The following NCKAP5 variants were observed in gnomAD, a reference collection of about 807,000 sequenced individuals.
NCKAP5 encodes NCK associated protein 5, also known as nck-associated protein 5.
In NCKAP5, 92 loss-of-function variants were observed where a neutral mutation model predicts 167.0. That is an observed-to-expected ratio of 0.55 (90% CI 0.47 to 0.66). The LOEUF is 0.66. NCKAP5 is among the 30% of genes least tolerant of loss of function. The pLI is 0.00. For synonymous variants in NCKAP5, 891 were observed against 877.4 expected (o/e 1.02, Z -0.27); for missense variants, 2,378 against 2,315.0 (o/e 1.03, Z -0.56).
intron 8 of NCKAP5, among the ~76,000 whole-genome samples, chr2:132,885,717 T>C (rs1278046017): frequency 2.6e-5 from 4 of 152,244 alleles, no homozygotes; most frequent in Admixed American, 2.6e-4. Flanking sequence ...ATAGATAGGC[T>C]GGCTGGAACT....
In NCKAP5 at chr2:133,510,174, A is replaced by AG. The variant is rs200690447; in HGVS notation, c.69+7283dup. 6.4e-3 allele frequency among the ~76,000 whole-genome samples: 977 copies of AG among 152,254 alleles called. 31 individuals carry two copies. Among genetic ancestry groups the AG allele is most frequent in the Admixed American group, 0.056 (858 of 15,288 alleles). The stretch of plus-strand genomic sequence containing the variant: ...CCTCCATCAGTCAGTGGCCCAGCAG[A>AG]GGGAATGTGCAGCCATTTGATAGGA... On this transcript the variant is annotated intron_variant, in intron 3 of 19. Transcript: ENST00000409261.
chr2:132,919,654 C>T (rs1381734287), intron 8 of NCKAP5, among the ~76,000 whole-genome samples: 1 of 150,850 alleles, frequency 6.6e-6, no homozygotes, highest in Non-Finnish European at 1.5e-5. Flanking sequence ...ACAAGAAGAA[C>T]AGAAGAGACA....
chr2:132,833,526 G>A (rs1206287440), intron 11 of NCKAP5, among the ~76,000 whole-genome samples: 7 of 152,138 alleles, frequency 4.6e-5, no homozygotes, highest in African/African-American at 1.2e-4. Context: ...TCCATCCTGA[G>A]TTGATTTTTG....
chr2:132,820,637 C>CAT (rs1158218545), intron 11 of NCKAP5, among the ~76,000 whole-genome samples: 3 of 152,184 alleles, frequency 2.0e-5, no homozygotes, highest in Non-Finnish European at 4.4e-5. Flanking sequence ...TTCCTCTCTG[C>CAT]ATAGCCCTTT....
At chr2:132,818,467 G>A (rs141143579) in intron 11 of NCKAP5, among the ~76,000 whole-genome samples, 2 of 152,306 alleles carry the variant, frequency 1.3e-5, no homozygotes, top group African/African-American at 4.8e-5. Context: ...ACTGAGGTCA[G>A]GGGTTTGAGA....
intron 6 of NCKAP5, among the ~76,000 whole-genome samples, chr2:133,087,004 G>C (rs1293688962): frequency 2.0e-5 from 3 of 152,150 alleles, no homozygotes; most frequent in East Asian, 3.8e-4. Context: ...ATGAGGGAGT[G>C]TGAGAAGCAG....
intron 3 of NCKAP5, among the ~76,000 whole-genome samples, chr2:133,336,462 C>T (rs1459888764): frequency 2.0e-5 from 3 of 152,062 alleles, no homozygotes; most frequent in East Asian, 3.9e-4. Flanking sequence ...GATGATTTTG[C>T]CCTTTGGCAC....
chr2:133,323,169 A>G (rs2150683372), intron 3 of NCKAP5, among the ~76,000 whole-genome samples: 1 of 152,322 alleles, frequency 6.6e-6, no homozygotes, highest in African/African-American at 2.4e-5. Context: ...GAAAAATCTC[A>G]ATTATTTAAT....
At chr2:132,781,903 C>A in intron 14 of NCKAP5, 37 bp downstream of exon 14, 1 of 1,558,244 alleles carries the variant, frequency 6.4e-7, no homozygotes, top group South Asian at 1.2e-5. Flanking sequence ...GGTGGAGGGA[C>A]CCCTCTACAT....
At chr2:133,628,211 T>C in the NCKAP5 span, among the ~76,000 whole-genome samples, 8 of 152,278 alleles carry the variant, frequency 5.3e-5, no homozygotes, top group African/African-American at 1.9e-4. Context: ...CTGTCTCTGT[T>C]TGTAGATGAC....
At chr2:132,735,047 G>A (rs796562496) in intron 16 of NCKAP5, among the ~76,000 whole-genome samples, 4 of 152,368 alleles carry the variant, frequency 2.6e-5, no homozygotes, top group African/African-American at 9.6e-5. Flanking sequence ...AACATGCCTG[G>A]CATCTAGCTG....
intron 3 of NCKAP5, among the ~76,000 whole-genome samples, chr2:133,336,227 T>C (rs568310830): frequency 6.6e-6 from 1 of 152,302 alleles, no homozygotes; most frequent in South Asian, 2.1e-4. Context: ...ATGTTTTTTC[T>C]GTTCCTTATG....
At chr2:132,863,967 TC>T (rs1690139941) in intron 10 of NCKAP5, among the ~76,000 whole-genome samples, 3 of 152,196 alleles carry the variant, frequency 2.0e-5, no homozygotes, top group Non-Finnish European at 4.4e-5. Context: ...CTTAGCTTCC[TC>T]TATGCTCCCA....
chr2:133,632,347 G>A, the NCKAP5 span, among the ~76,000 whole-genome samples: 1 of 152,100 alleles, frequency 6.6e-6, no homozygotes, highest in African/African-American at 2.4e-5. Context: ...TTTGCCTTCG[G>A]CAAATTAGAA....
At chr2:132,742,299 G>T (rs1262166870) in intron 16 of NCKAP5, among the ~76,000 whole-genome samples, 2 of 151,928 alleles carry the variant, frequency 1.3e-5, no homozygotes, top group Non-Finnish European at 2.9e-5. Flanking sequence ...CATCTGCCTT[G>T]ATAAGACACA....
Position 132,785,380 on chromosome 2 carries a change from A to G in NCKAP5, c.1431T>C (p.Asp477=). ...CTAAGGTGGAAGGGTCATCGTCCGC[A>G]TCAACGTGGGAATCTAGATCATAAA... The part of the protein sequence containing the change: ...TFVYDLDSHV[D]ADDDPSTLAL... The change falls in exon 14 of 20, where the codon GAT becomes GAC. Residue 477 remains aspartate, a synonymous_variant. Coordinates refer to ENST00000409261, the MANE Select transcript of NCKAP5 (RefSeq NM_207363.3). 3 of 1,614,008 alleles carry G rather than the reference A, an allele frequency of 1.9e-6. No individual in the cohort carries two copies. The highest frequency in any genetic ancestry group is 1.7e-6 in the Non-Finnish European group (2 of 1,179,896).
intron 15 of NCKAP5, among the ~76,000 whole-genome samples, chr2:132,775,143 G>T (rs1360372154): frequency 1.3e-5 from 2 of 152,164 alleles, no homozygotes; most frequent in African/African-American, 4.8e-5. Context: ...TACGTTAGAG[G>T]TTGCCAGTGG....
At chr2:133,224,751 T>TA (rs1020415173) in intron 4 of NCKAP5, among the ~76,000 whole-genome samples, 6 of 152,212 alleles carry the variant, frequency 3.9e-5, no homozygotes, top group Admixed American at 3.3e-4. Flanking sequence ...CACTCCTACC[T>TA]AAAATGTTTC....
intron 3 of NCKAP5, among the ~76,000 whole-genome samples, chr2:133,319,957 T>C (rs1165580925): frequency 6.6e-6 from 1 of 152,128 alleles, no homozygotes; most frequent in East Asian, 1.9e-4. Flanking sequence ...AGACTGCAAA[T>C]TGAGGGTAAA....
Sources: allele counts gnomAD v4.1 joint callset (sites outside exome capture counted in the v4.1 genomes callset), GRCh38; gene constraint gnomAD v4.1.1; transcripts MANE v1.5; gene names NCBI Gene and HGNC (gene_info 2026-07-23, HGNC 2026-07-21).